Variants in UGP2 observed in about 807,000 individuals in gnomAD.
UGP2 encodes UDP-glucose pyrophosphorylase 2.
A neutral mutation model predicts 49.0 loss-of-function variants in UGP2; 40 were observed. That is an observed-to-expected ratio of 0.82 (90% confidence interval 0.63 to 1.06). The LOEUF (loss-of-function observed/expected upper bound fraction) is 1.06, where lower values mean the gene tolerates loss of function less well. UGP2 is among the 50% of genes least tolerant of loss of function. The pLI, the probability that UGP2 is intolerant of heterozygous loss-of-function variation, is 0.00. For synonymous variants in UGP2, 225 were observed against 213.0 expected, an observed-to-expected ratio of 1.06 and a Z score of -0.49; for missense variants, 460 against 603.5, an observed-to-expected ratio of 0.76 and a Z score of 2.49.
intron 3 of UGP2, among the ~76,000 whole-genome samples, chr2:63,869,945 C>G (rs1670437923): frequency 1.5e-5 from 2 of 133,822 alleles, no homozygotes; most frequent in African/African-American, 5.5e-5. Context: ...TTTTTTGAGA[C>G]AGAGTCTCGC....
At chr2:63,877,986 C>T (rs1446991164) in intron 3 of UGP2, among the ~76,000 whole-genome samples, 2 of 102,982 alleles carry the variant, frequency 1.9e-5, no homozygotes, top group Non-Finnish European at 3.4e-5. Flanking sequence ...GGCGACAGAG[C>T]GAGACTCCGT....
At chr2:63,875,899 A>G (rs1185064952) in intron 3 of UGP2, among the ~76,000 whole-genome samples, 1 of 152,188 alleles carries the variant, frequency 6.6e-6, no homozygotes, top group Non-Finnish European at 1.5e-5. Context: ...CAAAGATCGC[A>G]CTGGTGACTG....
intron 8 of UGP2, chr2:63,887,961 C>T (rs1671804150): frequency 3.6e-6 from 1 of 279,784 alleles, no homozygotes; most frequent in Non-Finnish European, 6.9e-6. Context: ...TATTGAATGC[C>T]TATCATGTAC....
chr2:63,851,846 G>C (rs1669061437), intron 1 of UGP2, among the ~76,000 whole-genome samples: 1 of 152,164 alleles, frequency 6.6e-6, no homozygotes, highest in African/African-American at 2.4e-5. Context: ...TCCTTCTGCT[G>C]TGCTATCTTT....
chr2:63,886,264 TA>T, intron 6 of UGP2, 76 bp from the exon 7 acceptor site: 2 of 1,339,684 alleles, frequency 1.5e-6, no homozygotes, highest in Non-Finnish European at 2.1e-6. Flanking sequence ...ATTTTTTGTA[TA>T]ATCACTATCT....
At chr2:63,870,969 G>GA (rs1670508530) in intron 3 of UGP2, among the ~76,000 whole-genome samples, 1 of 152,136 alleles carries the variant, frequency 6.6e-6, no homozygotes, top group Non-Finnish European at 1.5e-5. Context: ...TTTGGTTCTT[G>GA]AACTCCTTGA....
chr2:63,881,276 AT>A (rs1230832674), intron 3 of UGP2, among the ~76,000 whole-genome samples: 3 of 151,960 alleles, frequency 2.0e-5, no homozygotes, highest in Non-Finnish European at 4.4e-5. Flanking sequence ...GCATAAAGAG[AT>A]TTTTGCCTCC....
In UGP2 at chr2:63,875,936, T is replaced by C. The variant is rs142558341; in HGVS notation, c.256-6530T>C. On this transcript the variant is annotated intron_variant, in intron 3 of 9. Coordinates refer to ENST00000337130, the MANE Select transcript of UGP2 (RefSeq NM_006759.4). ...CTAAAGTGATTCAGTCAGAGTAACA[T>C]TGAGGCTGTATCCAGTAGTATGTGA... 2.5e-3 allele frequency among the ~76,000 whole-genome samples: 382 copies of C among 152,232 alleles called. 2 individuals are homozygous for C. The highest frequency in any genetic ancestry group is 9.1e-3 in the African/African-American group (377 of 41,538).
intron 3 of UGP2, among the ~76,000 whole-genome samples, chr2:63,874,931 A>G (rs941180316): frequency 1.6e-4 from 25 of 152,162 alleles, no homozygotes; most frequent in African/African-American, 6.0e-4. Flanking sequence ...TTTCTTGTAC[A>G]GCTTGCAGAA....
At chr2:63,866,389 A>G (rs1373997131) in intron 3 of UGP2, among the ~76,000 whole-genome samples, 2 of 152,202 alleles carry the variant, frequency 1.3e-5, no homozygotes, top group African/African-American at 4.8e-5. Flanking sequence ...TTAACTGACT[A>G]CTTGTTCAGA....
intron 3 of UGP2, among the ~76,000 whole-genome samples, chr2:63,868,524 A>G (rs894658600): frequency 5.9e-5 from 9 of 151,862 alleles, no homozygotes; most frequent in African/African-American, 2.2e-4. Context: ...GTTGGTTCTG[A>G]TTTTTTCCTG....
intron 3 of UGP2, among the ~76,000 whole-genome samples, chr2:63,873,739 TA>T (rs1210103643): frequency 6.6e-6 from 1 of 151,964 alleles, no homozygotes; most frequent in East Asian, 1.9e-4. Context: ...GAGTGGAAGG[TA>T]AAAAAGGTCA....
At chr2:63,851,427 G>A (rs1345262069) in intron 1 of UGP2, among the ~76,000 whole-genome samples, 2 of 152,148 alleles carry the variant, frequency 1.3e-5, no homozygotes, top group East Asian at 1.9e-4. Flanking sequence ...ATCAGTTGTG[G>A]TAGAAAGAAA....
chr2:63,876,100 T>G (rs1670889187), intron 3 of UGP2, among the ~76,000 whole-genome samples: 1 of 152,080 alleles, frequency 6.6e-6, no homozygotes, highest in Non-Finnish European at 1.5e-5. Context: ...CCAGTGTGAC[T>G]TTAGCTGTTG....
intron 3 of UGP2, among the ~76,000 whole-genome samples, chr2:63,872,604 C>T (rs894794252): frequency 1.3e-5 from 2 of 152,118 alleles, no homozygotes; most frequent in Non-Finnish European, 2.9e-5. Flanking sequence ...CTCTCACTTA[C>T]TATATTTTAC....
chr2:63,881,660 G>C (rs1406464526), intron 3 of UGP2, among the ~76,000 whole-genome samples: 7 of 152,206 alleles, frequency 4.6e-5, no homozygotes, highest in African/African-American at 1.7e-4. Flanking sequence ...TCTGCTGTAA[G>C]TTGTGTCACT....
intron 1 of UGP2, among the ~76,000 whole-genome samples, chr2:63,854,013 T>A (rs1669213998): frequency 6.6e-6 from 1 of 151,702 alleles, no homozygotes; most frequent in Non-Finnish European, 1.5e-5. Context: ...TGGAGGAGAG[T>A]GTGGTATTTA....
chr2:63,874,513 G>C (rs1465946175), intron 3 of UGP2, among the ~76,000 whole-genome samples: 3 of 152,170 alleles, frequency 2.0e-5, no homozygotes, highest in Non-Finnish European at 4.4e-5. Context: ...TCAAGGAGCA[G>C]GCAGAAAGAG....
chr2:63,852,490 A>C (rs534562214), intron 1 of UGP2, among the ~76,000 whole-genome samples: 23 of 152,368 alleles, frequency 1.5e-4, no homozygotes, highest in African/African-American at 5.0e-4. Context: ...ACTCCAAAAG[A>C]TACTTCAGCT....
Sources: gnomAD v4.1 joint callset for allele counts (sites outside exome capture counted in the v4.1 genomes callset) on GRCh38, gnomAD v4.1.1 for gene constraint, MANE v1.5 for transcripts, NCBI Gene and HGNC (gene_info 2026-07-23, HGNC 2026-07-21) for gene names.